The following PCDH19 variants were observed in gnomAD, a reference collection of about 807,000 sequenced individuals.
The protein encoded by PCDH19 is protocadherin 19.
In PCDH19, 6 loss-of-function variants were observed where a neutral mutation model predicts 46.2. That is an observed-to-expected ratio of 0.13 (90% confidence interval 0.07 to 0.26). PCDH19 has a LOEUF of 0.26. Ranked by LOEUF, PCDH19 falls within the 10% of genes least tolerant of loss-of-function variation. The probability of loss-of-function intolerance (pLI) is 1.00; values close to 1 mark genes in which losing one functional copy is unlikely to be tolerated. For synonymous variants in PCDH19, 481 were observed against 415.7 expected, an observed-to-expected ratio of 1.16 and a Z score of -1.91; for missense variants, 740 against 972.3, an observed-to-expected ratio of 0.76 and a Z score of 3.18.
At chrX:100,318,287 T>C (rs1412175231) in intron 5 of PCDH19, among the ~76,000 whole-genome samples, 1 of 112,233 alleles carries the variant, frequency 8.9e-6, no homozygotes, top group Non-Finnish European at 1.9e-5. Flanking sequence ...AGCACTGACC[T>C]TCATAAGGAA....
chrX:100,404,372 T>C (rs929429981), intron 1 of PCDH19, among the ~76,000 whole-genome samples: 1 of 112,151 alleles, frequency 8.9e-6, no homozygotes, highest in Admixed American at 9.5e-5. Flanking sequence ...CTAAGGTTGA[T>C]TTTCTATTCT....
intron 4 of PCDH19, among the ~76,000 whole-genome samples, chrX:100,342,975 G>C (rs1481177307): frequency 8.9e-6 from 1 of 112,218 alleles, no homozygotes; most frequent in Non-Finnish European, 1.9e-5. Context: ...ATTAGCATTT[G>C]AACTGGCAGA....
intron 5 of PCDH19, among the ~76,000 whole-genome samples, chrX:100,298,624 A>T (rs762973847): frequency 1.2e-3 from 132 of 111,571 alleles, no homozygotes; most frequent in African/African-American, 4.1e-3. Context: ...TCAGTTCCAC[A>T]TCAGGCTGCA....
At chrX:100,322,857 A>AT (rs1481284837) in intron 5 of PCDH19, among the ~76,000 whole-genome samples, 1 of 50,887 alleles carries the variant, frequency 2.0e-5, no homozygotes, top group African/African-American at 1.1e-4. Context: ...ATATATATAT[A>AT]TATATATATT....
intron 3 of PCDH19, among the ~76,000 whole-genome samples, chrX:100,359,811 A>ATG (rs1328985698): frequency 5.2e-4 from 33 of 63,126 alleles, no homozygotes; most frequent in South Asian, 1.1e-3. Context: ...GTGTGTGTGT[A>ATG]TGTGTGTGTG....
Position 100,410,077 on chromosome X carries a change from G to A in PCDH19, c.-1480C>T. On this transcript the variant is annotated 5_prime_UTR_variant, in exon 1 of 6. Coordinates refer to ENST00000373034, the MANE Select transcript of PCDH19 (RefSeq NM_001184880.2). ...GAGGTTTAGGATTTCGGATGAAATC[G>A]CTCAGCCGGAATGCTGCGGAGCGCA... The A allele has an allele frequency of 3.4e-6, 1 of 297,559 alleles. No individual in the cohort carries two copies. The highest frequency in any genetic ancestry group is 5.9e-6 in the Non-Finnish European group (1 of 170,595). 24.5% of individuals were successfully genotyped at this position (297,559 alleles called of 1,213,427 possible).
At chrX:100,313,735 C>T (rs1342447009) in intron 5 of PCDH19, among the ~76,000 whole-genome samples, 1 of 110,325 alleles carries the variant, frequency 9.1e-6, no homozygotes, top group Non-Finnish European at 1.9e-5. Flanking sequence ...TCCTAATGGC[C>T]CTGGATGGGT....
intron 4 of PCDH19, among the ~76,000 whole-genome samples, chrX:100,349,635 T>C (rs912336773): frequency 4.4e-5 from 5 of 112,472 alleles, no homozygotes; most frequent in Non-Finnish European, 7.5e-5. Context: ...TTGCAAGCCT[T>C]CTCTGCTACA....
chrX:100,371,334 T>C (rs1243202487), intron 3 of PCDH19, among the ~76,000 whole-genome samples: 9 of 111,828 alleles, frequency 8.0e-5, no homozygotes, highest in African/African-American at 3.3e-5. Flanking sequence ...ATCACACTTA[T>C]CACAATTGCA....
At chrX:100,309,565 G>A (rs991151896) in intron 5 of PCDH19, among the ~76,000 whole-genome samples, 2 of 111,618 alleles carry the variant, frequency 1.8e-5, no homozygotes, top group Non-Finnish European at 3.8e-5. Context: ...GTTTAGAAGA[G>A]GCACCATTAT....
At chrX:100,332,012 C>T (rs1925885169) in intron 5 of PCDH19, among the ~76,000 whole-genome samples, 1 of 111,069 alleles carries the variant, frequency 9.0e-6, no homozygotes, top group Non-Finnish European at 1.9e-5. Flanking sequence ...CAAAAAGCCA[C>T]GTTTCCAAAG....
At chrX:100,318,635 A>T (rs777176977) in intron 5 of PCDH19, among the ~76,000 whole-genome samples, 1 of 112,353 alleles carries the variant, frequency 8.9e-6, no homozygotes, top group East Asian at 2.8e-4. Context: ...TCATTTTAAC[A>T]GGTCCCTTGA....
chrX:100,368,159 C>T lies in PCDH19; in HGVS notation c.2617-17455G>A, dbSNP rs1176794113. Among the ~76,000 whole-genome samples, 47 of 111,702 alleles carry T rather than the reference C, an allele frequency of 4.2e-4. No individual in the cohort carries two copies. In the Admixed American group the frequency reaches 4.5e-3, roughly 11 times the overall value. ...GGGGTAGCTAATTAAACCACAGAGA[C>T]TTATTTTTTGAGCCAGTAAAGGTTT... is the stretch of plus-strand genomic sequence containing the variant. On this transcript the variant is annotated intron_variant, in intron 3 of 5. Transcript: ENST00000373034.
intron 5 of PCDH19, among the ~76,000 whole-genome samples, chrX:100,340,278 A>T (rs1926215605): frequency 8.9e-6 from 1 of 112,330 alleles, no homozygotes; most frequent in Non-Finnish European, 1.9e-5. Flanking sequence ...AACTAGCTGC[A>T]GTTCCCTGAT....
At chrX:100,360,846 A>C (rs1421365511) in intron 3 of PCDH19, among the ~76,000 whole-genome samples, 1 of 112,097 alleles carries the variant, frequency 8.9e-6, no homozygotes, top group Non-Finnish European at 1.9e-5. Context: ...TTCATAAACC[A>C]TAACTGACAA....
chrX:100,334,683 C>G (rs1926027388), intron 5 of PCDH19, among the ~76,000 whole-genome samples: 1 of 110,249 alleles, frequency 9.1e-6, no homozygotes, highest in Non-Finnish European at 1.9e-5. Context: ...TCTGGCACCT[C>G]TGACCACTCT....
chrX:100,336,270 A>G (rs1926084595), intron 5 of PCDH19, among the ~76,000 whole-genome samples: 1 of 111,984 alleles, frequency 8.9e-6, no homozygotes, highest in Admixed American at 9.5e-5. Context: ...GTGAGGAGAG[A>G]GGTGAGTCGG....
chrX:100,366,381 C>T (rs1403182068), intron 3 of PCDH19, among the ~76,000 whole-genome samples: 1 of 111,473 alleles, frequency 9.0e-6, no homozygotes, highest in Non-Finnish European at 1.9e-5. Context: ...GTGAAGGGAG[C>T]ATTTTTCCTC....
chrX:100,382,454 T>C (rs967321359), intron 3 of PCDH19, among the ~76,000 whole-genome samples: 3 of 112,184 alleles, frequency 2.7e-5, no homozygotes, highest in African/African-American at 9.7e-5. Context: ...TCTCAAAAGT[T>C]CCTCACCATG....
Sources: gnomAD v4.1 joint callset for allele counts (sites outside exome capture counted in the v4.1 genomes callset) on GRCh38, gnomAD v4.1.1 for gene constraint, MANE v1.5 for transcripts, NCBI Gene and HGNC (gene_info 2026-07-23, HGNC 2026-07-21) for gene names.